ZNF385D: variants seen among roughly 807,000 people sequenced by gnomAD.
ZNF385D encodes the protein zinc finger protein 659.
In ZNF385D, 15 loss-of-function variants were observed where a neutral mutation model predicts 35.8. That is an observed-to-expected ratio of 0.42 (90% CI 0.28 to 0.64). The LOEUF is 0.64. Among genes scored for constraint, ZNF385D ranks in the 30% least tolerant of loss-of-function variants. The pLI, the probability that ZNF385D is intolerant of heterozygous loss-of-function variation, is 0.23. For missense variants in ZNF385D, 474 were observed against 494.6 expected, an observed-to-expected ratio of 0.96 and a Z score of 0.39; for synonymous variants, 212 against 186.8, an observed-to-expected ratio of 1.13 and a Z score of -1.10.
chr3:21,423,927 G>A (rs759415914), intron 7 of ZNF385D, 36 bp downstream of exon 7: 24 of 1,578,832 alleles, frequency 1.5e-5, no homozygotes, highest in Non-Finnish European at 2.1e-5. Flanking sequence ...ATTCCATTTG[G>A]GAATAGAGGC....
At chr3:21,758,368 T>C (rs2070441793) in intron 3 of ZNF385D, among the ~76,000 whole-genome samples, 1 of 152,166 alleles carries the variant, frequency 6.6e-6, no homozygotes, top group Admixed American at 6.5e-5. Context: ...ACATTGCCTA[T>C]GATTTAGGAA....
intron 3 of ZNF385D, among the ~76,000 whole-genome samples, chr3:22,029,671 C>G (rs1697802083): frequency 6.6e-6 from 1 of 152,132 alleles, no homozygotes; most frequent in African/African-American, 2.4e-5. Context: ...TATCACGTGA[C>G]ATGAGATTTT....
chr3:21,726,932 C>A (rs1378408674), intron 1 of ZNF385D, among the ~76,000 whole-genome samples: 1 of 152,152 alleles, frequency 6.6e-6, no homozygotes, highest in African/African-American at 2.4e-5. Context: ...TACTACAAGG[C>A]TGTAGTAACC....
At position 21,874,879 on chromosome 3, in the gene ZNF385D, CTTGT is replaced by C. The variant is rs377107810; in HGVS notation, c.326-209855_326-209852del. Among the ~76,000 whole-genome samples the C allele has an allele frequency of 6.2e-3, 938 of 152,084 alleles. 11 individuals carry two copies. Among genetic ancestry groups the C allele is most frequent in the African/African-American group, 0.021 (870 of 41,528 alleles). ...TTCATGAACATGAGATGCATTTCCA[CTTGT>C]TTGTTTGTTCTTTAATTTCTTTTAG... On this transcript the variant is annotated intron_variant, in intron 3 of 5. Transcript: ENST00000494108.
intron 3 of ZNF385D, among the ~76,000 whole-genome samples, chr3:21,917,715 A>G (rs901780965): frequency 1.3e-5 from 2 of 152,174 alleles, no homozygotes; most frequent in African/African-American, 2.4e-5. Flanking sequence ...TGGGAAAAAA[A>G]TCATTAAAAA....
At chr3:21,797,110 C>T (rs2072189275) in intron 3 of ZNF385D, among the ~76,000 whole-genome samples, 1 of 152,158 alleles carries the variant, frequency 6.6e-6, no homozygotes, top group African/African-American at 2.4e-5. Flanking sequence ...GGACTCTCAT[C>T]CAAAATATAC....
chr3:21,831,308 C>A (rs552582325), intron 3 of ZNF385D, among the ~76,000 whole-genome samples: 17 of 152,186 alleles, frequency 1.1e-4, no homozygotes, highest in African/African-American at 3.9e-4. Flanking sequence ...ACTTACCTCA[C>A]GGGAATGCTA....
intron 2 of ZNF385D, among the ~76,000 whole-genome samples, chr3:22,212,457 C>G (rs1415761309): frequency 6.6e-6 from 1 of 152,040 alleles, no homozygotes; most frequent in Admixed American, 6.6e-5. Flanking sequence ...CCACCTGTTA[C>G]AAAGTAATAC....
chr3:21,508,635 C>G (rs1706965359), intron 4 of ZNF385D, among the ~76,000 whole-genome samples: 1 of 152,118 alleles, frequency 6.6e-6, no homozygotes, highest in Non-Finnish European at 1.5e-5. Context: ...ATATACCTTT[C>G]CCAAAAGAAT....
chr3:21,958,115 T>C (rs1221232822), intron 3 of ZNF385D, among the ~76,000 whole-genome samples: 1 of 152,158 alleles, frequency 6.6e-6, no homozygotes, highest in African/African-American at 2.4e-5. Context: ...TTATCCTCCC[T>C]GAAATTTTTT....
At chr3:22,132,181 G>A (rs1347619513) in intron 3 of ZNF385D, among the ~76,000 whole-genome samples, 1 of 152,062 alleles carries the variant, frequency 6.6e-6, no homozygotes, top group Non-Finnish European at 1.5e-5. Context: ...GTATTTGGAG[G>A]CAGGATCTTG....
intron 3 of ZNF385D, among the ~76,000 whole-genome samples, chr3:21,817,341 A>G (rs2073196964): frequency 6.6e-6 from 1 of 152,224 alleles, no homozygotes; most frequent in African/African-American, 2.4e-5. Context: ...AATGGGATCT[A>G]ATTAAATAAA....
intron 3 of ZNF385D, among the ~76,000 whole-genome samples, chr3:21,545,209 T>C (rs2062330135): frequency 6.6e-6 from 1 of 152,216 alleles, no homozygotes; most frequent in Non-Finnish European, 1.5e-5. Context: ...TTAATCCTTT[T>C]CAAAGATGGT....
intron 3 of ZNF385D, among the ~76,000 whole-genome samples, chr3:21,985,614 T>C (rs1205288180): frequency 4.4e-4 from 63 of 142,610 alleles, no homozygotes; most frequent in Non-Finnish European, 1.5e-4. Context: ...TCAAGGGTAT[T>C]GGTCTAAAAT....
At chr3:21,736,581 C>T (rs754690999) in intron 1 of ZNF385D, among the ~76,000 whole-genome samples, 3 of 152,164 alleles carry the variant, frequency 2.0e-5, no homozygotes, top group Non-Finnish European at 2.9e-5. Flanking sequence ...TTACAAAGTG[C>T]GTTCTCCTTG....
intron 3 of ZNF385D, among the ~76,000 whole-genome samples, chr3:21,531,300 G>A (rs1440214747): frequency 1.3e-5 from 2 of 152,172 alleles, no homozygotes; most frequent in Admixed American, 6.5e-5. Context: ...CTCATTCATT[G>A]TTGGTAGAAA....
intron 3 of ZNF385D, among the ~76,000 whole-genome samples, chr3:21,913,816 T>G (rs1269436916): frequency 6.6e-6 from 1 of 152,060 alleles, no homozygotes; most frequent in Non-Finnish European, 1.5e-5. Flanking sequence ...TACTAATTCA[T>G]CATAGATCCA....
intron 3 of ZNF385D, among the ~76,000 whole-genome samples, chr3:21,902,725 TA>T (rs547383357): frequency 1.8e-4 from 27 of 152,266 alleles, no homozygotes; most frequent in South Asian, 1.2e-3. Context: ...AATGGCATTT[TA>T]AAAAACTGTT....
intron 3 of ZNF385D, among the ~76,000 whole-genome samples, chr3:22,012,276 C>T (rs370875667): frequency 4.6e-5 from 7 of 152,194 alleles, no homozygotes; most frequent in East Asian, 1.9e-4. Context: ...AATTGAAATA[C>T]GTAGCTCTTT....
Sources: gnomAD v4.1 joint callset for allele counts (sites outside exome capture counted in the v4.1 genomes callset) on GRCh38, gnomAD v4.1.1 for gene constraint, MANE v1.5 for transcripts, NCBI Gene and HGNC (gene_info 2026-07-23, HGNC 2026-07-21) for gene names.